Variants in GALNTL5 observed in about 807,000 individuals in gnomAD.
GALNTL5 encodes the protein polypeptide N-acetylgalactosaminyltransferase like 5, also known as inactive polypeptide N-acetylgalactosaminyltransferase-like protein 5.
GALNTL5 carries 44 observed loss-of-function variants against 51.0 expected under a neutral mutation model. The ratio of observed to expected loss-of-function variants is 0.86; its 90% CI spans 0.68 to 1.11. The LOEUF (loss-of-function observed/expected upper bound fraction) is 1.11. GALNTL5 is among the 50% of genes least tolerant of loss of function. The probability of loss-of-function intolerance (pLI) is 0.00; values close to 1 mark genes in which losing one functional copy is unlikely to be tolerated. For missense variants in GALNTL5, 528 were observed against 531.8 expected, an observed-to-expected ratio of 0.99 and a Z score of 0.07; for synonymous variants, 192 against 182.8, an observed-to-expected ratio of 1.05 and a Z score of -0.41.
chr7:151,988,100 A>T (rs2081383818), intron 5 of GALNTL5, among the ~76,000 whole-genome samples: 1 of 152,242 alleles, frequency 6.6e-6, no homozygotes, highest in Non-Finnish European at 1.5e-5. Flanking sequence ...GGGCTGCCCC[A>T]AGAGCCATTC....
chr7:151,999,202 G>A (rs1485149361), intron 5 of GALNTL5, among the ~76,000 whole-genome samples: 1 of 152,186 alleles, frequency 6.6e-6, no homozygotes, highest in East Asian at 1.9e-4. Flanking sequence ...ATGTGTCAGT[G>A]CTTCCTTTTT....
At chr7:151,999,368 G>A (rs1375255269) in intron 5 of GALNTL5, among the ~76,000 whole-genome samples, 1 of 152,152 alleles carries the variant, frequency 6.6e-6, no homozygotes, top group Non-Finnish European at 1.5e-5. Context: ...TTTTGGGCAT[G>A]TTCCTAGGAA....
At chr7:151,984,525 C>T (rs570268823) in intron 4 of GALNTL5, among the ~76,000 whole-genome samples, 40 of 152,190 alleles carry the variant, frequency 2.6e-4, no homozygotes, top group Non-Finnish European at 5.3e-4. Context: ...TGACTCAAGT[C>T]ACTGGCAGTT....
At chr7:151,974,354 T>A (rs1266204411) in intron 3 of GALNTL5, among the ~76,000 whole-genome samples, 2 of 152,238 alleles carry the variant, frequency 1.3e-5, no homozygotes, top group Non-Finnish European at 2.9e-5. Context: ...TATGTTGTAG[T>A]GTGTATGTGC....
intron 3 of GALNTL5, among the ~76,000 whole-genome samples, chr7:151,979,558 C>T (rs946793417): frequency 6.6e-6 from 1 of 151,928 alleles, no homozygotes; most frequent in Non-Finnish European, 1.5e-5. Flanking sequence ...CTCCCGGGTT[C>T]AAGAGATTCT....
chr7:151,965,864 G>C (rs1215563106), intron 1 of GALNTL5, among the ~76,000 whole-genome samples: 1 of 152,126 alleles, frequency 6.6e-6, no homozygotes, highest in Non-Finnish European at 1.5e-5. Context: ...TCTAGCCTGG[G>C]TGAGGGGAGT....
At position 152,007,456 on chromosome 7, in the gene GALNTL5, C is replaced by T. The variant is rs113235633; in HGVS notation, c.909-371C>T. Among the ~76,000 whole-genome samples the T allele has an allele frequency of 1.9e-3, 233 of 125,036 alleles. 3 individuals are homozygous for T. Among genetic ancestry groups the T allele is most frequent in the Non-Finnish European group, 1.8e-3 (116 of 63,244 alleles). The allele number at this position is 125,036 out of a possible 152,430, so 82.0% of individuals were successfully genotyped here. A position where few individuals can be genotyped will look rare whatever the true frequency, so the allele number is the denominator to read the frequency against. On this transcript the variant is annotated intron_variant, in intron 6 of 8. Coordinates refer to ENST00000392800, the MANE Select transcript of GALNTL5 (RefSeq NM_145292.4). Reference sequence around the variant, plus strand: ...TTTTTGAGACAGAGTCTGGCTCTGTCGTCCCAGGCTGGAGTGCTGTGGCAC... The same window carrying T: ...TTTTTGAGACAGAGTCTGGCTCTGTTGTCCCAGGCTGGAGTGCTGTGGCAC...
chr7:151,981,213 A>G (rs529888271), intron 3 of GALNTL5, among the ~76,000 whole-genome samples: 9 of 152,160 alleles, frequency 5.9e-5, no homozygotes, highest in Non-Finnish European at 1.0e-4. Context: ...AGAAATGCTG[A>G]TGTCAATCAC....
intron 8 of GALNTL5, among the ~76,000 whole-genome samples, chr7:152,015,070 T>C (rs1236590663): frequency 6.6e-6 from 1 of 152,102 alleles, no homozygotes; most frequent in Non-Finnish European, 1.5e-5. Flanking sequence ...TACCTATTGA[T>C]AGTTATTGAT....
intron 7 of GALNTL5, among the ~76,000 whole-genome samples, chr7:152,008,984 A>C (rs2081693143): frequency 6.6e-6 from 1 of 152,172 alleles, no homozygotes; most frequent in Non-Finnish European, 1.5e-5. Flanking sequence ...TTCTGGCCCT[A>C]CATTCCCTAT....
chr7:151,979,468 G>T (rs951805516), intron 3 of GALNTL5, among the ~76,000 whole-genome samples: 1 of 149,482 alleles, frequency 6.7e-6, no homozygotes, highest in African/African-American at 2.5e-5. Flanking sequence ...TTTTTTTGGT[G>T]GGGGGAGGGG....
At chr7:152,012,007 A>G (rs1167905846) in intron 7 of GALNTL5, among the ~76,000 whole-genome samples, 4 of 152,260 alleles carry the variant, frequency 2.6e-5, no homozygotes, top group African/African-American at 9.6e-5. Context: ...GCTGGGCTCT[A>G]GTCTCTGAAT....
chr7:151,973,855 C>A (rs777145038), intron 3 of GALNTL5, among the ~76,000 whole-genome samples: 1 of 151,926 alleles, frequency 6.6e-6, no homozygotes, highest in African/African-American at 2.4e-5. Flanking sequence ...CCTCAGGTGT[C>A]GAGGGAGGGG....
chr7:151,956,887 T>C (rs2080932374), intron 1 of GALNTL5, among the ~76,000 whole-genome samples: 1 of 152,182 alleles, frequency 6.6e-6, no homozygotes, highest in Non-Finnish European at 1.5e-5. Flanking sequence ...TGGTAATGTT[T>C]ATACAGTGAC....
rs949735832 is a variant in GALNTL5, at chr7:151,974,107, T to C, written c.368+3042T>C. On this transcript the variant is annotated intron_variant, in intron 3 of 8. Transcript: ENST00000392800. Reference sequence around the variant, plus strand: ...CAATTAAACCTCTTTTGTTTAGAAATTACCCAGTCTCAGGTGGTATCCTTA... The same window carrying C: ...CAATTAAACCTCTTTTGTTTAGAAACTACCCAGTCTCAGGTGGTATCCTTA... 1.1e-4 allele frequency among the ~76,000 whole-genome samples: 14 copies of C among 121,992 alleles called. 2 individuals are homozygous for C. The highest frequency in any genetic ancestry group is 3.8e-4 in the African/African-American group (13 of 33,826). The allele number at this position is 121,992 out of a possible 152,430, so 80.0% of individuals were successfully genotyped here.
intron 5 of GALNTL5, among the ~76,000 whole-genome samples, chr7:151,987,628 G>A (rs1336991655): frequency 7.2e-6 from 1 of 138,356 alleles, no homozygotes; most frequent in Non-Finnish European, 1.6e-5. Context: ...GGTGGGGTGG[G>A]CGGGAGGGAG....
chr7:151,989,225 C>T (rs1385335371), intron 5 of GALNTL5, among the ~76,000 whole-genome samples: 16 of 151,832 alleles, frequency 1.1e-4, no homozygotes, highest in Non-Finnish European at 2.4e-4. Flanking sequence ...TCTCAGCTCA[C>T]TGCAACCTCC....
chr7:152,010,216 G>A (rs976809462), intron 7 of GALNTL5, among the ~76,000 whole-genome samples: 2 of 151,858 alleles, frequency 1.3e-5, no homozygotes, highest in African/African-American at 2.4e-5. Flanking sequence ...AGGTTCAAGC[G>A]ATTCCCCTGC....
At chr7:152,004,125 C>T (rs1005967662) in intron 6 of GALNTL5, among the ~76,000 whole-genome samples, 2 of 151,336 alleles carry the variant, frequency 1.3e-5, no homozygotes, top group African/African-American at 2.4e-5. Flanking sequence ...AAACTGAAAA[C>T]AACATATTCA....
Sources: allele counts gnomAD v4.1 joint callset (sites outside exome capture counted in the v4.1 genomes callset), GRCh38; gene constraint gnomAD v4.1.1; transcripts MANE v1.5; gene names NCBI Gene and HGNC (gene_info 2026-07-23, HGNC 2026-07-21).